The following CDH6 variants were observed in gnomAD, a reference collection of about 807,000 sequenced individuals.
The protein encoded by CDH6 is cadherin 6, also known as cadherin-6.
A neutral mutation model predicts 78.0 loss-of-function variants in CDH6; 31 were observed. The observed-to-expected ratio is 0.40, with a 90% CI of 0.30 to 0.54. CDH6 has a LOEUF of 0.54. CDH6 is among the 20% of genes least tolerant of loss of function. The probability of loss-of-function intolerance (pLI) is 0.56; values close to 1 mark genes in which losing one functional copy is unlikely to be tolerated. For missense variants in CDH6, 724 were observed against 975.9 expected, an observed-to-expected ratio of 0.74 and a Z score of 3.44; for synonymous variants, 376 against 368.8, an observed-to-expected ratio of 1.02 and a Z score of -0.23.
intron 2 of CDH6, among the ~76,000 whole-genome samples, chr5:31,292,842 TATATGTGTGC>T (rs1427424694): frequency 3.5e-4 from 5 of 14,200 alleles, no homozygotes; most frequent in African/African-American, 3.5e-3. Context: ...TATATATATA[TATATGTGTGC>T]ATATATATAT....
chr5:31,210,475 G>A (rs1327686092), intron 1 of CDH6, among the ~76,000 whole-genome samples: 1 of 152,162 alleles, frequency 6.6e-6, no homozygotes, highest in East Asian at 1.9e-4. Flanking sequence ...CTGCACTCCA[G>A]ACTGGTTAAC....
intron 2 of CDH6, among the ~76,000 whole-genome samples, chr5:31,276,127 C>T (rs1272540521): frequency 1.3e-5 from 2 of 152,312 alleles, no homozygotes; most frequent in East Asian, 3.9e-4. Context: ...ATGTAACCGT[C>T]ATGAACATGC....
rs1737643449 is a variant in CDH6, at chr5:31,297,514, G to A, written c.643+106G>A. 3.9e-6 allele frequency: 3 copies of A among 773,556 alleles called. No homozygotes were observed. The South Asian group carries it at 5.9e-5, about 15-fold the overall frequency. The allele number at this position is 773,556 out of a possible 1,614,324, so 47.9% of individuals were successfully genotyped here. ...ATAATCAATGTGATTGGATTTTCTT[G>A]CATACATCCACCAAACACTAATGAT... On this transcript the variant is annotated intron_variant, in intron 4 of 11. Transcript: ENST00000265071.
At chr5:31,222,091 G>A (rs2111832957) in intron 1 of CDH6, among the ~76,000 whole-genome samples, 1 of 152,206 alleles carries the variant, frequency 6.6e-6, no homozygotes, top group Non-Finnish European at 1.5e-5. Flanking sequence ...TTAAAAATAG[G>A]AAAGACTTCC....
intron 2 of CDH6, among the ~76,000 whole-genome samples, chr5:31,277,568 T>C (rs1742732744): frequency 6.6e-6 from 1 of 152,196 alleles, no homozygotes; most frequent in Non-Finnish European, 1.5e-5. Context: ...GAATAATTAA[T>C]TCTTTGTTTA....
intron 7 of CDH6, among the ~76,000 whole-genome samples, chr5:31,307,431 G>A (rs909087207): frequency 2.6e-5 from 4 of 152,082 alleles, no homozygotes; most frequent in African/African-American, 7.2e-5. Flanking sequence ...TAAATCACTG[G>A]GCAAATAAAC....
At chr5:31,212,031 T>G (rs1392039379) in intron 1 of CDH6, among the ~76,000 whole-genome samples, 1 of 152,212 alleles carries the variant, frequency 6.6e-6, no homozygotes, top group Non-Finnish European at 1.5e-5. Flanking sequence ...TCTGTCCTAC[T>G]TTTGTATGAC....
At chr5:31,319,439 G>T (rs1401232618) in intron 11 of CDH6, among the ~76,000 whole-genome samples, 1 of 152,182 alleles carries the variant, frequency 6.6e-6, no homozygotes, top group Admixed American at 6.5e-5. Flanking sequence ...CTTTACAAAG[G>T]TTTTTCTCAC....
chr5:31,196,948 C>T lies in CDH6; in HGVS notation c.-129+3062C>T, dbSNP rs978433799. ...AACTCCAAAAGTTCTACATGAAGAG[C>T]GCCGCCGCCCCCCGCCCCCCAACCA... On this transcript the variant is annotated intron_variant, in intron 1 of 11. Coordinates refer to ENST00000265071, the MANE Select transcript of CDH6 (RefSeq NM_004932.4). 3.3e-5 allele frequency among the ~76,000 whole-genome samples: 5 copies of T among 151,886 alleles called. No individual in the cohort carries two copies. The South Asian group carries it at 6.3e-4, about 19-fold the overall frequency.
At chr5:31,223,508 T>A (rs1014668956) in intron 1 of CDH6, among the ~76,000 whole-genome samples, 1 of 152,252 alleles carries the variant, frequency 6.6e-6, no homozygotes. Context: ...GTTTAAATAG[T>A]TTAATGAGAT....
intron 2 of CDH6, among the ~76,000 whole-genome samples, chr5:31,285,055 C>A (rs1219880563): frequency 6.6e-6 from 1 of 152,184 alleles, no homozygotes; most frequent in Admixed American, 6.5e-5. Flanking sequence ...AGCTTCTAAT[C>A]CTCAATGGCA....
chr5:31,315,213 C>A (rs1454684095), intron 8 of CDH6, among the ~76,000 whole-genome samples: 1 of 152,170 alleles, frequency 6.6e-6, no homozygotes, highest in Non-Finnish European at 1.5e-5. Context: ...TTCTCTATAG[C>A]ACTTACCATC....
chr5:31,267,197 A>G, intron 1 of CDH6, 149 bp from the exon 2 acceptor site: 1 of 436,198 alleles, frequency 2.3e-6, no homozygotes, highest in Non-Finnish European at 4.1e-6. Flanking sequence ...CATGTCTGGA[A>G]GACCGTCTCC....
intron 1 of CDH6, among the ~76,000 whole-genome samples, chr5:31,231,962 T>C (rs1741322135): frequency 6.6e-6 from 1 of 152,228 alleles, no homozygotes; most frequent in African/African-American, 2.4e-5. Flanking sequence ...TAATTATGTT[T>C]CTTTTCAAAT....
intron 1 of CDH6, among the ~76,000 whole-genome samples, chr5:31,195,727 A>C (rs1740147024): frequency 6.6e-6 from 1 of 152,228 alleles, no homozygotes; most frequent in Non-Finnish European, 1.5e-5. Context: ...ATTGACTGGA[A>C]AATGCAATCA....
At chr5:31,269,565 G>T (rs1333109229) in intron 2 of CDH6, among the ~76,000 whole-genome samples, 1 of 151,486 alleles carries the variant, frequency 6.6e-6, no homozygotes, top group East Asian at 1.9e-4. Context: ...TAGTGACAGG[G>T]ACAAAGTAGG....
chr5:31,283,878 G>C (rs1022682825), intron 2 of CDH6, among the ~76,000 whole-genome samples: 5 of 151,472 alleles, frequency 3.3e-5, no homozygotes, highest in Non-Finnish European at 7.4e-5. Flanking sequence ...ACAGTGGCAC[G>C]ATCTCAGTTC....
At chr5:31,276,060 G>T (rs4867061) in intron 2 of CDH6, among the ~76,000 whole-genome samples, 1 of 152,010 alleles carries the variant, frequency 6.6e-6, no homozygotes, top group Non-Finnish European at 1.5e-5. Flanking sequence ...GCTGCTGGGC[G>T]CAAACTCCCA....
intron 5 of CDH6, 61 bp downstream of exon 5, chr5:31,299,692 A>T: frequency 7.0e-7 from 1 of 1,423,860 alleles, no homozygotes; most frequent in Non-Finnish European, 9.8e-7. Flanking sequence ...GAACTTTAAG[A>T]ATTTTTATTT....
Sources: allele counts gnomAD v4.1 joint callset (sites outside exome capture counted in the v4.1 genomes callset), GRCh38; gene constraint gnomAD v4.1.1; transcripts MANE v1.5; gene names NCBI Gene and HGNC (gene_info 2026-07-23, HGNC 2026-07-21).